CIMAP2: variants seen among roughly 807,000 people sequenced by gnomAD.
CIMAP2 encodes ciliary microtubule associated protein 2.
the CIMAP2 span, among the ~76,000 whole-genome samples, chr1:54,840,193 G>C: frequency 1.3e-5 from 2 of 152,338 alleles, no homozygotes; most frequent in South Asian, 4.1e-4. Context: ...CATCCCTGGA[G>C]TTTTGCCTTT....
chr1:54,811,765 G>GCGGGGGGGGGGGGGGGCCCCCC, the CIMAP2 span: 2 of 1,301,324 alleles, frequency 1.5e-6, no homozygotes, highest in East Asian at 2.5e-5. Context: ...GGTTCTGACA[G>GCGGGGGGGGGGGGGGGCCCCCC]CCTCCATGCC....
the CIMAP2 span, chr1:54,811,765 G>GCGGGGGGGGGGGCC: frequency 2.3e-6 from 3 of 1,301,332 alleles, no homozygotes; most frequent in South Asian, 1.2e-5. Flanking sequence ...GGTTCTGACA[G>GCGGGGGGGGGGGCC]CCTCCATGCC....
At chr1:54,813,427 C>T in the CIMAP2 span, among the ~76,000 whole-genome samples, 5 of 152,190 alleles carry the variant, frequency 3.3e-5, no homozygotes, top group African/African-American at 4.8e-5. Flanking sequence ...GTTTCACTGC[C>T]GTCCAAATCC....
chr1:54,827,923 A>G, the CIMAP2 span, among the ~76,000 whole-genome samples: 1 of 152,214 alleles, frequency 6.6e-6, no homozygotes, highest in African/African-American at 2.4e-5. Context: ...AGATTTTTAT[A>G]TAGAGACTGG....
At chr1:54,807,527 C>G in the CIMAP2 span, 1 of 1,549,862 alleles carries the variant, frequency 6.5e-7, no homozygotes, top group African/African-American at 1.4e-5. Context: ...CTGACTCAGT[C>G]CCACATAGGC....
the CIMAP2 span, among the ~76,000 whole-genome samples, chr1:54,811,324 G>A: frequency 1.3e-5 from 2 of 152,200 alleles, no homozygotes; most frequent in Admixed American, 6.5e-5. Flanking sequence ...AACTGTCTCA[G>A]GTGGAAGCAG....
At chr1:54,829,251 A>G in the CIMAP2 span, among the ~76,000 whole-genome samples, 1 of 152,238 alleles carries the variant, frequency 6.6e-6, no homozygotes, top group Non-Finnish European at 1.5e-5. Flanking sequence ...ATCTCCAACC[A>G]AGAGTTACCC....
At chr1:54,806,709 G>A in the CIMAP2 span, among the ~76,000 whole-genome samples, 1 of 151,350 alleles carries the variant, frequency 6.6e-6, no homozygotes, top group Non-Finnish European at 1.5e-5. Flanking sequence ...CTCTTCTGTG[G>A]GGGGTGGGGG....
chr1:54,811,765 G>GCCGGGGGGGGGCGCCCCCCCCC, the CIMAP2 span: 1 of 1,301,324 alleles, frequency 7.7e-7, no homozygotes, highest in Non-Finnish European at 1.1e-6. Context: ...GGTTCTGACA[G>GCCGGGGGGGGGCGCCCCCCCCC]CCTCCATGCC....
the CIMAP2 span, chr1:54,811,766 C>CCGGGCGGGGGG: frequency 7.7e-7 from 1 of 1,305,188 alleles, no homozygotes; most frequent in Non-Finnish European, 1.1e-6. Context: ...GTTCTGACAG[C>CCGGGCGGGGGG]CTCCATGCCC....
the CIMAP2 span, among the ~76,000 whole-genome samples, chr1:54,830,215 CTATTTATT>C: frequency 1.1e-3 from 160 of 152,024 alleles, no homozygotes; most frequent in African/African-American, 3.4e-3. The surrounding 1 kb of genome is among the most constrained non-coding windows in gnomAD (Gnocchi z 4.1). Flanking sequence ...TTCTTTCTTT[CTATTTATT>C]TATTTATTTA....
chr1:54,816,770 A>G, the CIMAP2 span, among the ~76,000 whole-genome samples: 1 of 152,152 alleles, frequency 6.6e-6, no homozygotes, highest in East Asian at 1.9e-4. Flanking sequence ...GTATGACTTA[A>G]TCTTAACTAA....
the CIMAP2 span, among the ~76,000 whole-genome samples, chr1:54,821,733 G>A: frequency 1.3e-5 from 2 of 151,998 alleles, no homozygotes; most frequent in Admixed American, 6.6e-5. Context: ...ATTATTGTAT[G>A]TTAATTTTGT....
the CIMAP2 span, among the ~76,000 whole-genome samples, chr1:54,825,502 G>T: frequency 6.6e-6 from 1 of 152,172 alleles, no homozygotes; most frequent in Non-Finnish European, 1.5e-5. Context: ...AGTGGCTTAG[G>T]CTGTGGTTGT....
the CIMAP2 span, among the ~76,000 whole-genome samples, chr1:54,811,224 G>T: frequency 6.6e-6 from 1 of 152,216 alleles, no homozygotes; most frequent in East Asian, 1.9e-4. Context: ...TCACAGCACT[G>T]TTCACAGCAC....
At chr1:54,807,865 A>T in the CIMAP2 span, 1 of 1,549,560 alleles carries the variant, frequency 6.5e-7, no homozygotes, top group Non-Finnish European at 8.7e-7. Flanking sequence ...TAAGGCTTTC[A>T]TTTTCTCTCT....
the CIMAP2 span, among the ~76,000 whole-genome samples, chr1:54,831,220 T>C: frequency 6.6e-6 from 1 of 152,232 alleles, no homozygotes; most frequent in Admixed American, 6.5e-5. Flanking sequence ...GTCCTCTATG[T>C]AGTCAACCAG....
the CIMAP2 span, chr1:54,812,152 G>A: frequency 8.4e-5 from 135 of 1,614,180 alleles, no homozygotes; most frequent in African/African-American, 2.7e-4. Context: ...TCTGGTGATC[G>A]GAGCAAGCCA....
the CIMAP2 span, among the ~76,000 whole-genome samples, chr1:54,835,182 GGTTTGTTT>G: frequency 5.3e-5 from 8 of 152,140 alleles, no homozygotes; most frequent in African/African-American, 1.9e-4. Context: ...ACAAAGTGAT[GGTTTGTTT>G]GTTTGTTTTT....
Sources: allele counts gnomAD v4.1 joint callset (sites outside exome capture counted in the v4.1 genomes callset), GRCh38; gene constraint gnomAD v4.1.1; non-coding constraint Gnocchi (gnomAD v3.1); transcripts MANE v1.5; gene names NCBI Gene and HGNC (gene_info 2026-07-23, HGNC 2026-07-21).